DMD: variants seen among roughly 807,000 people sequenced by gnomAD.
DMD encodes mutant dystrophin.
In DMD, 63 loss-of-function variants were observed where a neutral mutation model predicts 330.1. The observed-to-expected ratio is 0.19, with a 90% CI of 0.16 to 0.24. The LOEUF (loss-of-function observed/expected upper bound fraction) is 0.24. DMD is among the 10% of genes least tolerant of loss of function. The pLI is 1.00. For synonymous variants in DMD, 1,223 were observed against 959.8 expected (o/e 1.27, Z -5.07); for missense variants, 3,344 against 2,684.1 (o/e 1.25, Z -5.43).
intron 7 of DMD, among the ~76,000 whole-genome samples, chrX:32,776,235 G>C (rs2074126992): frequency 9.1e-6 from 1 of 109,986 alleles, no homozygotes; most frequent in South Asian, 4.0e-4. Context: ...CATTCAACAA[G>C]TCTCTGGGAA....
chrX:32,848,495 A>T (rs2080872815), intron 3 of DMD, among the ~76,000 whole-genome samples: 2 of 111,871 alleles, frequency 1.8e-5, no homozygotes, highest in Non-Finnish European at 3.8e-5. Flanking sequence ...CCTTGACTAA[A>T]GTTATTATTT....
chrX:32,510,145 T>C (rs977902277), intron 18 of DMD, among the ~76,000 whole-genome samples: 2 of 111,964 alleles, frequency 1.8e-5, no homozygotes. Flanking sequence ...GAATAAAAGC[T>C]CAAGTCCTTA....
At chrX:32,245,773 T>A (rs1287622782) in intron 43 of DMD, among the ~76,000 whole-genome samples, 1 of 96,300 alleles carries the variant, frequency 1.0e-5, no homozygotes, top group Non-Finnish European at 2.1e-5. Flanking sequence ...TGTCTGTTGT[T>A]GGTGTATAAG....
At chrX:32,835,243 C>A (rs967408998) in intron 4 of DMD, among the ~76,000 whole-genome samples, 2 of 111,378 alleles carry the variant, frequency 1.8e-5, no homozygotes, top group Non-Finnish European at 3.8e-5. Context: ...TGGGACAGGG[C>A]AAAGAAATAA....
At chrX:32,182,642 C>T (rs2096931253) in intron 44 of DMD, among the ~76,000 whole-genome samples, 1 of 111,442 alleles carries the variant, frequency 9.0e-6, no homozygotes, top group Non-Finnish European at 1.9e-5. Flanking sequence ...TTTTTTTATA[C>T]ACTCAGCACC....
In DMD at chrX:32,196,248, T is replaced by C. The variant is rs759928565; in HGVS notation, c.6438+20668A>G. 4.5e-5 allele frequency among the ~76,000 whole-genome samples: 5 copies of C among 112,291 alleles called. No homozygotes were observed. The South Asian group carries it at 1.1e-3, about 25-fold the overall frequency. ...CAGTAATGTAAAGAAATAATAGGCT[T>C]ATGACAACTTGGATAATACATTTAA... On this transcript the variant is annotated intron_variant, in intron 44 of 78. Transcript: ENST00000357033.
intron 44 of DMD, among the ~76,000 whole-genome samples, chrX:32,133,030 G>A (rs1317265155): frequency 1.0e-4 from 7 of 68,772 alleles, no homozygotes; most frequent in African/African-American, 4.3e-4. Flanking sequence ...TTTTTTAGAT[G>A]AAGTCTCGCT....
chrX:32,735,623 C>A (rs1051791978), intron 7 of DMD, among the ~76,000 whole-genome samples: 2 of 111,217 alleles, frequency 1.8e-5, no homozygotes, highest in Non-Finnish European at 3.8e-5. Context: ...ATATCTACCA[C>A]TATCTGATCT....
intron 1 of DMD, among the ~76,000 whole-genome samples, chrX:33,153,971 A>T (rs1193689321): frequency 8.9e-6 from 1 of 112,644 alleles, no homozygotes; most frequent in Non-Finnish European, 1.9e-5. Context: ...TTTATTTCTA[A>T]AGCTATATCC....
rs749111818 is a variant in DMD at position 32,683,723 on chromosome X, A to G, written c.960+14147T>C. 3.8e-5 allele frequency among the ~76,000 whole-genome samples: 4 copies of G among 106,274 alleles called. No individual in the cohort carries two copies. The East Asian group carries it at 1.2e-3, about 33-fold the overall frequency. The allele number at this position is 106,274 out of a possible 115,157, so 92.3% of individuals were successfully genotyped here. A position where few individuals can be genotyped will look rare whatever the true frequency, so the allele number is the denominator to read the frequency against. ...ATGAGTTAATGGGTGCAGCACACCA[A>G]CATGGCACATGTATACATATGTAAC... is the stretch of plus-strand genomic sequence containing the variant. On this transcript the variant is annotated intron_variant, in intron 9 of 78. Coordinates refer to ENST00000357033, the MANE Select transcript of DMD (RefSeq NM_004006.3).
intron 7 of DMD, among the ~76,000 whole-genome samples, chrX:32,714,738 T>G (rs995439286): frequency 5.4e-5 from 6 of 111,791 alleles, no homozygotes; most frequent in Non-Finnish European, 9.4e-5. Context: ...ACTTTAAACT[T>G]CCTATAAAAA....
chrX:31,720,628 A>G (rs1377898565), intron 52 of DMD, among the ~76,000 whole-genome samples: 1 of 109,662 alleles, frequency 9.1e-6, no homozygotes, highest in Non-Finnish European at 1.9e-5. Context: ...AGGAAGAAAA[A>G]CTATTTTCTT....
At chrX:32,896,656 T>C (rs1020015015) in intron 2 of DMD, among the ~76,000 whole-genome samples, 1 of 112,019 alleles carries the variant, frequency 8.9e-6, no homozygotes, top group African/African-American at 3.2e-5. Context: ...AAGCAAAATA[T>C]AGGATGTTAA....
Position 31,172,326 on chromosome X carries a change from TAA to T in DMD, c.10394+20_10394+21del, listed in dbSNP as rs1259558123. 9.0e-7 allele frequency: 1 copy of T among 1,114,668 alleles called. No homozygotes were observed. The highest frequency in any genetic ancestry group is 1.2e-6 in the Non-Finnish European group (1 of 809,060). The allele number at this position is 1,114,668 out of a possible 1,213,427, so 91.9% of individuals were successfully genotyped here. On this transcript the variant is annotated intron_variant, in intron 73 of 78. Transcript: ENST00000357033. ...CAATTTCATTGTCAGGAACATTTTG[TAA>T]AAAGAGATGGGATACTTACATGCTC...
At chrX:33,213,868 A>G (rs772954791), upstream of DMD, among the ~76,000 whole-genome samples, 1 of 111,398 alleles carries the variant, frequency 9.0e-6, no homozygotes, top group Non-Finnish European at 1.9e-5. Flanking sequence ...CTCCACAAAT[A>G]AACACCTGTT....
At chrX:32,518,997 CTTTTTTTTT>C (rs56678455) in intron 17 of DMD, among the ~76,000 whole-genome samples, 97 of 42,099 alleles carry the variant, frequency 2.3e-3, no homozygotes, top group African/African-American at 8.5e-3. Flanking sequence ...ATTTTCAAAC[CTTTTTTTTT>C]TTTTTTTTTT....
chrX:32,066,269 T>G (rs148339476), intron 44 of DMD, among the ~76,000 whole-genome samples: 1,392 of 111,729 alleles, frequency 0.012, 19 homozygotes, highest in African/African-American at 0.042. Flanking sequence ...TATAAATAAA[T>G]GTATAACAAT....
rs188834186 is a variant in DMD, at chrX:32,206,841, C to T, written c.6438+10075G>A. The T allele has an allele frequency of 7.3e-3, 2,441 of 332,118 alleles. 5 individuals carry two copies. Among genetic ancestry groups the T allele is most frequent in the South Asian group, 0.022 (609 of 28,125 alleles). The allele number at this position is 332,118 out of a possible 1,213,427, so 27.4% of individuals were successfully genotyped here. ...TGATAATGCAGAGTGAGAACCTTCC[C>T]TACCATGTTTGATAAATGTTGTCCA... On this transcript the variant is annotated intron_variant, in intron 44 of 78. Coordinates refer to ENST00000357033, the MANE Select transcript of DMD (RefSeq NM_004006.3).
At position 31,128,551 on chromosome X, in the gene DMD, A is replaced by T. The variant is rs186164263; in HGVS notation, c.11015-1878T>A. 4.5e-3 allele frequency among the ~76,000 whole-genome samples: 505 copies of T among 112,457 alleles called. 2 individuals carry two copies. Among genetic ancestry groups the T allele is most frequent in the African/African-American group, 0.016 (482 of 31,046 alleles). On this transcript the variant is annotated intron_variant, in intron 77 of 78. Transcript: ENST00000357033. ...TGTGATTTAGAATGTAATTATGGTT[A>T]TGTACTTCAGAATGTAACGATGATT...
Sources: gnomAD v4.1 joint callset for allele counts (sites outside exome capture counted in the v4.1 genomes callset) on GRCh38, gnomAD v4.1.1 for gene constraint, MANE v1.5 for transcripts, NCBI Gene and HGNC (gene_info 2026-07-23, HGNC 2026-07-21) for gene names.